Variants in PTGER4 observed in about 807,000 individuals in gnomAD.
PTGER4 encodes the protein prostaglandin E2 receptor EP4 subtype.
Under a neutral mutation model 33.2 loss-of-function variants are expected in PTGER4, and 11 were observed. The observed-to-expected ratio is 0.33, with a 90% confidence interval of 0.21 to 0.55. The LOEUF (loss-of-function observed/expected upper bound fraction) is 0.55, where lower values mean the gene tolerates loss of function less well. Among genes scored for constraint, PTGER4 ranks in the 20% least tolerant of loss-of-function variants. The pLI is 0.92. For missense variants in PTGER4, 481 were observed against 650.2 expected (o/e 0.74, Z 2.83); for synonymous variants, 275 against 281.5 (o/e 0.98, Z 0.23).
the PTGER4 span, among the ~76,000 whole-genome samples, chr5:40,745,619 G>C: frequency 6.6e-6 from 1 of 151,698 alleles, no homozygotes; most frequent in Non-Finnish European, 1.5e-5. Flanking sequence ...CAACCACTGG[G>C]CTCAAGCAAT....
chr5:40,728,322 T>C, the PTGER4 span: 1 of 1,336,648 alleles, frequency 7.5e-7, no homozygotes, highest in Non-Finnish European at 1.0e-6. Context: ...AATTTCTGCA[T>C]TATAATAATC....
At position 40,691,206 on chromosome 5, in the gene PTGER4, G is replaced by A. The variant is rs1006964912; in HGVS notation, c.868-573G>A. ...TGGCTAATTTTTGTTTTTTTGAGAC[G>A]GAGTCTCGCTCTGTCGCCAGGCTGG... On this transcript the variant is annotated intron_variant, in intron 2 of 2. Coordinates refer to ENST00000302472, the MANE Select transcript of PTGER4 (RefSeq NM_000958.3). The surrounding 1 kb of genome is among the most constrained non-coding windows in gnomAD (Gnocchi z 4.2). Among the ~76,000 whole-genome samples, 11 of 151,788 alleles carry A rather than the reference G, an allele frequency of 7.2e-5. No individual in the cohort carries two copies. In the South Asian group the frequency reaches 1.2e-3, roughly 17 times the overall value.
the PTGER4 span, among the ~76,000 whole-genome samples, chr5:40,745,619 G>A: frequency 6.6e-6 from 1 of 151,698 alleles, no homozygotes; most frequent in African/African-American, 2.4e-5. Flanking sequence ...CAACCACTGG[G>A]CTCAAGCAAT....
At chr5:40,725,318 T>A in the PTGER4 span, among the ~76,000 whole-genome samples, 1 of 152,080 alleles carries the variant, frequency 6.6e-6, no homozygotes. Context: ...CTCTCAATCA[T>A]CTTCCTTTTG....
downstream of PTGER4, among the ~76,000 whole-genome samples, chr5:40,695,146 C>T (rs1741562047): frequency 1.3e-5 from 2 of 152,182 alleles, no homozygotes; most frequent in Admixed American, 1.3e-4. Context: ...TACAGTGGCT[C>T]ACACCTGTAA....
the PTGER4 span, among the ~76,000 whole-genome samples, chr5:40,708,082 A>C: frequency 6.6e-6 from 1 of 152,148 alleles, no homozygotes; most frequent in Non-Finnish European, 1.5e-5. Context: ...GAAAGCAGGA[A>C]AGATCTAAAA....
chr5:40,687,876 A>G (rs1341645811), intron 2 of PTGER4, among the ~76,000 whole-genome samples: 1 of 152,202 alleles, frequency 6.6e-6, no homozygotes, highest in African/African-American at 2.4e-5. Context: ...GGAAAACTTT[A>G]AAATAGAGCA....
chr5:40,740,438 T>C, the PTGER4 span, among the ~76,000 whole-genome samples: 1 of 152,146 alleles, frequency 6.6e-6, no homozygotes, highest in South Asian at 2.1e-4. Context: ...TTGGCAGTTT[T>C]ACTTTCCTTC....
the PTGER4 span, among the ~76,000 whole-genome samples, chr5:40,727,368 G>A: frequency 3.3e-5 from 5 of 152,050 alleles, no homozygotes; most frequent in Admixed American, 6.6e-5. Context: ...GTTAAATTTC[G>A]TTAGCTATCA....
the PTGER4 span, among the ~76,000 whole-genome samples, chr5:40,734,174 CT>C: frequency 6.6e-6 from 1 of 152,200 alleles, no homozygotes; most frequent in East Asian, 1.9e-4. Context: ...TCTCATTTCT[CT>C]TTGGTTTACT....
chr5:40,722,034 T>A, the PTGER4 span, among the ~76,000 whole-genome samples: 1 of 152,174 alleles, frequency 6.6e-6, no homozygotes, highest in Non-Finnish European at 1.5e-5. Context: ...ATGCTCAATA[T>A]CACTAATCAG....
chr5:40,716,104 C>G, the PTGER4 span: 1 of 1,479,454 alleles, frequency 6.8e-7, no homozygotes, highest in Non-Finnish European at 9.1e-7. Context: ...CTTCAAGAGG[C>G]AATCAAAAAG....
At chr5:40,703,827 C>T in the PTGER4 span, among the ~76,000 whole-genome samples, 251 of 137,904 alleles carry the variant, frequency 1.8e-3, 1 homozygote, top group Non-Finnish European at 2.6e-3. Context: ...TGCTTGAACC[C>T]GGGAAGCGGA....
At chr5:40,724,391 T>C in the PTGER4 span, among the ~76,000 whole-genome samples, 10 of 151,966 alleles carry the variant, frequency 6.6e-5, no homozygotes, top group Admixed American at 2.6e-4. Context: ...TCCCGGAACA[T>C]TGGGAGGCTG....
At chr5:40,697,191 GA>G (rs1026402293), downstream of PTGER4, among the ~76,000 whole-genome samples, 150 of 135,230 alleles carry the variant, frequency 1.1e-3, 2 homozygotes, top group Middle Eastern at 7.2e-3. Context: ...AATTAAGAAA[GA>G]AAGAAAAGAA....
chr5:40,746,348 A>G, the PTGER4 span, among the ~76,000 whole-genome samples: 2 of 152,222 alleles, frequency 1.3e-5, no homozygotes, highest in Non-Finnish European at 2.9e-5. Flanking sequence ...ACTTAAGTAT[A>G]TAAGAAGTAA....
In PTGER4 at chr5:40,682,565, G is replaced by GTCCA. The variant is rs1175061796; in HGVS notation, c.867+706_867+709dup. Among the ~76,000 whole-genome samples, 5 of 152,300 alleles carry GTCCA rather than the reference G, an allele frequency of 3.3e-5. No individual in the cohort carries two copies. The East Asian group carries it at 9.7e-4, about 29-fold the overall frequency. Reference sequence around the variant, plus strand: ...AATTCTAATTCATATACAGGGCAGGGTCCAGACTCAGTTTCTTTCATTCTG... The same window carrying GTCCA: ...AATTCTAATTCATATACAGGGCAGGGTCCATCCAGACTCAGTTTCTTTCATTCTG... On this transcript the variant is annotated intron_variant, in intron 2 of 2. Coordinates refer to ENST00000302472, the MANE Select transcript of PTGER4 (RefSeq NM_000958.3).
downstream of PTGER4, among the ~76,000 whole-genome samples, chr5:40,696,107 C>T (rs868287222): frequency 1.3e-5 from 2 of 152,148 alleles, no homozygotes; most frequent in South Asian, 2.1e-4. Flanking sequence ...GGTACTTTGA[C>T]CAAGGGACCA....
Position 40,681,164 on chromosome 5 carries a change from G to T in PTGER4, c.171G>T (p.Leu57=), listed in dbSNP as rs768284566. ...AGAAGGAGACGACCTTCTACACGCT[G>T]GTATGTGGGCTGGCTGTCACCGACC... The part of the protein sequence containing the change: ...KEQKETTFYT[L]VCGLAVTDLL... The change falls in exon 2 of 3, where the codon CTG becomes CTT. Residue 57 remains leucine, a synonymous_variant. Coordinates refer to ENST00000302472, the MANE Select transcript of PTGER4 (RefSeq NM_000958.3). This position sits in a 1 kb window ranked among gnomAD's most constrained non-coding sequence, Gnocchi z 9.8. 1.9e-6 allele frequency: 3 copies of T among 1,614,160 alleles called. No individual in the cohort carries two copies. Among genetic ancestry groups the T allele is most frequent in the Non-Finnish European group, 2.5e-6 (3 of 1,180,044 alleles).
Sources: allele counts gnomAD v4.1 joint callset (sites outside exome capture counted in the v4.1 genomes callset), GRCh38; gene constraint gnomAD v4.1.1; non-coding constraint Gnocchi (gnomAD v3.1); transcripts MANE v1.5; gene names NCBI Gene and HGNC (gene_info 2026-07-23, HGNC 2026-07-21).